The following SLC2A7 variants were observed in gnomAD, a reference collection of about 807,000 sequenced individuals.
The protein encoded by SLC2A7 is solute carrier family 2, facilitated glucose transporter member 7.
Under a neutral mutation model 50.5 loss-of-function variants are expected in SLC2A7, and 50 were observed. That is an observed-to-expected ratio of 0.99 (90% CI 0.79 to 1.25). The LOEUF (loss-of-function observed/expected upper bound fraction) is 1.25. Among genes scored for constraint, SLC2A7 ranks in the 50% most tolerant of loss-of-function variants. The pLI is 0.00. For missense variants in SLC2A7, 683 were observed against 679.1 expected, an observed-to-expected ratio of 1.01 and a Z score of -0.06; for synonymous variants, 308 against 300.4, an observed-to-expected ratio of 1.03 and a Z score of -0.26.
chr1:9,015,866 CG>C (rs1640822956), intron 5 of SLC2A7, among the ~76,000 whole-genome samples: 1 of 151,292 alleles, frequency 6.6e-6, no homozygotes, highest in Admixed American at 6.6e-5. Context: ...TGGAACTACA[CG>C]CGTGCATTAC....
At chr1:9,006,188 T>C (rs1234237786) in intron 10 of SLC2A7, among the ~76,000 whole-genome samples, 3 of 152,172 alleles carry the variant, frequency 2.0e-5, no homozygotes, top group Admixed American at 1.3e-4. Context: ...ACTGGCACTT[T>C]TCCTTTGAGG....
chr1:8,993,449 A>AAAAC, the SLC2A7 span, among the ~76,000 whole-genome samples: 4 of 152,168 alleles, frequency 2.6e-5, no homozygotes, highest in East Asian at 1.9e-4. Context: ...AAAGGGCATA[A>AAAAC]AAACAAACAA....
rs1435659515 is a variant in SLC2A7, at chr1:9,014,529, A to G, written c.903+152T>C. 7 of 861,684 alleles carry G rather than the reference A, an allele frequency of 8.1e-6. No individual in the cohort carries two copies. In the African/African-American group the frequency reaches 8.6e-5, roughly 11 times the overall value. 53.4% of individuals were successfully genotyped at this position (861,684 alleles called of 1,614,324 possible). A position where few individuals can be genotyped will look rare whatever the true frequency, so the allele number is the denominator to read the frequency against. On this transcript the variant is annotated intron_variant, in intron 7 of 11. Transcript: ENST00000400906. Reference sequence around the variant, plus strand: ...GGAGAGGCAGAGCACGGAGGCAGAGAGGAGTGAGGTTTCTTCCTGACATCT... The same window carrying G: ...GGAGAGGCAGAGCACGGAGGCAGAGGGGAGTGAGGTTTCTTCCTGACATCT...
chr1:9,006,307 G>A (rs1370442393), intron 10 of SLC2A7, among the ~76,000 whole-genome samples: 1 of 152,238 alleles, frequency 6.6e-6, no homozygotes, highest in Non-Finnish European at 1.5e-5. Context: ...CCAGCCTGGA[G>A]TGCAGTGGTG....
chr1:9,012,248 G>A (rs1640760450), intron 8 of SLC2A7, among the ~76,000 whole-genome samples: 1 of 152,202 alleles, frequency 6.6e-6, no homozygotes, highest in Non-Finnish European at 1.5e-5. Flanking sequence ...CCTGCTGTAT[G>A]CCTGGTTCCC....
At chr1:8,996,740 T>C in the SLC2A7 span, among the ~76,000 whole-genome samples, 12 of 152,186 alleles carry the variant, frequency 7.9e-5, no homozygotes, top group African/African-American at 2.4e-4. Flanking sequence ...TGGTGTCTCA[T>C]TGTGGTTTTA....
chr1:9,003,233 G>A lies in SLC2A7; in HGVS notation c.*67C>T. On this transcript the variant is annotated 3_prime_UTR_variant, in exon 12 of 12. Transcript: ENST00000400906. ...GTGCTATTATCCTCCCCAGAGCCTG[G>A]GGCCGGGAGGCCCATTGTCATAGAA... 1 of 1,486,286 alleles carries A rather than the reference G, an allele frequency of 6.7e-7. No individual in the cohort carries two copies. The allele number at this position is 1,486,286 out of a possible 1,614,324, so 92.1% of individuals were successfully genotyped here.
downstream of SLC2A7, among the ~76,000 whole-genome samples, chr1:9,000,227 G>A (rs6666894): frequency 0.23 from 34,782 of 152,044 alleles, 4,202 homozygotes; most frequent in Non-Finnish European, 0.27. Context: ...GGAGGCTGAG[G>A]TGGGAGGATT....
chr1:9,022,700 G>A (rs922774990), intron 3 of SLC2A7, among the ~76,000 whole-genome samples: 1 of 152,112 alleles, frequency 6.6e-6, no homozygotes, highest in Non-Finnish European at 1.5e-5. Flanking sequence ...GGCAGGTGAC[G>A]GAAGGGAATG....
At chr1:9,018,508 C>G (rs1640865874) in intron 4 of SLC2A7, 133 bp from the exon 5 acceptor site, 3 of 1,284,462 alleles carry the variant, frequency 2.3e-6, no homozygotes, top group Non-Finnish European at 3.2e-6. Context: ...GCTCGGCCAA[C>G]CTCGACTGTT....
At position 9,022,955 on chromosome 1, in the gene SLC2A7, A is replaced by T; in HGVS notation, c.274T>A (p.Ser92Thr). The change falls in exon 3 of 12, where the codon TCA (serine) becomes ACA (threonine). Residue 92 changes from serine (S) to threonine (T), a missense_variant. Coordinates refer to ENST00000400906, the MANE Select transcript of SLC2A7 (RefSeq NM_207420.3). ...SMFPLGGLLGSLLVGLLVDSC... is the reference protein window; with the variant it reads ...SMFPLGGLLGTLLVGLLVDSC... ...TCAACCAGCAGGCCCACGAGCAATG[A>T]CCCCAACAGGCCGCCCAGAGGAAAC... 1 of 1,614,042 alleles carries T rather than the reference A, an allele frequency of 6.2e-7. No homozygotes were observed. Among genetic ancestry groups the T allele is most frequent in the Non-Finnish European group, 8.5e-7 (1 of 1,179,966 alleles).
chr1:9,005,781 CAAAAAAA>C (rs75636224), intron 10 of SLC2A7, among the ~76,000 whole-genome samples: 1 of 42,634 alleles, frequency 2.3e-5, no homozygotes, highest in African/African-American at 6.9e-5. Context: ...GACTCCAACT[CAAAAAAA>C]AAAAAAAAAA....
At position 9,010,178 on chromosome 1, in the gene SLC2A7, C is replaced by T. The variant is rs1640725005; in HGVS notation, c.1081G>A (p.Ala361Thr). 3 of 1,552,388 alleles carry T rather than the reference C, an allele frequency of 1.9e-6. No individual in the cohort carries two copies. The highest frequency in any genetic ancestry group is 1.4e-5 in the African/African-American group (1 of 73,060). ...LLAGYGICGS[A>T]CLVLTVVLLF... ...AGCACCACCGTCAGCACCAGGCAGGCAGAGCCGCAGATGCCGTAGCCGGCC... is the reference window on the plus strand; with the variant it reads ...AGCACCACCGTCAGCACCAGGCAGGTAGAGCCGCAGATGCCGTAGCCGGCC... Residue 361 changes from alanine (A) to threonine (T), a missense_variant, in exon 9 of 12, where the codon GCC becomes ACC. By Grantham distance (58) the Ala-to-Thr change is moderately conservative (BLOSUM62 0). Coordinates refer to ENST00000400906, the MANE Select transcript of SLC2A7 (RefSeq NM_207420.3).
At chr1:9,012,304 G>T (rs975942787) in intron 8 of SLC2A7, among the ~76,000 whole-genome samples, 2 of 152,150 alleles carry the variant, frequency 1.3e-5, no homozygotes, top group African/African-American at 4.8e-5. Context: ...TTTCTGGCTT[G>T]GGTTGCTCCA....
chr1:9,002,077 TC>T, downstream of SLC2A7, among the ~76,000 whole-genome samples: 1 of 134,150 alleles, frequency 7.5e-6, no homozygotes, highest in Non-Finnish European at 1.6e-5. Flanking sequence ...TCATCGCCAT[TC>T]TCCATTGTCG....
downstream of SLC2A7, among the ~76,000 whole-genome samples, chr1:8,998,709 A>C (rs972329734): frequency 2.6e-5 from 4 of 151,966 alleles, no homozygotes; most frequent in Admixed American, 2.0e-4. Context: ...AGCCTGCTGG[A>C]ATTTTGATGG....
In SLC2A7 at chr1:9,026,219, G is replaced by A. The variant is rs914116003; in HGVS notation, c.51+76C>T. Reference sequence around the variant, plus strand: ...CCGCTCCTTGCTAAAAGCATTCCACGGCCTTCACCTCCCTCCACAGGTCTG... The same window carrying A: ...CCGCTCCTTGCTAAAAGCATTCCACAGCCTTCACCTCCCTCCACAGGTCTG... On this transcript the variant is annotated intron_variant, in intron 1 of 11. Transcript: ENST00000400906. The A allele has an allele frequency of 2.0e-5, 30 of 1,490,670 alleles. No individual in the cohort carries two copies. The Admixed American group carries it at 2.8e-4, about 14-fold the overall frequency. The allele number at this position is 1,490,670 out of a possible 1,614,324, so 92.3% of individuals were successfully genotyped here.
downstream of SLC2A7, among the ~76,000 whole-genome samples, chr1:8,999,045 T>C (rs529423724): frequency 2.0e-5 from 3 of 152,346 alleles, no homozygotes; most frequent in Non-Finnish European, 4.4e-5. Flanking sequence ...TTGGTAGAAT[T>C]TACCAGTGAA....
intron 2 of SLC2A7, among the ~76,000 whole-genome samples, chr1:9,023,981 G>A (rs887295836): frequency 4.0e-5 from 6 of 148,978 alleles, no homozygotes; most frequent in Non-Finnish European, 7.4e-5. Context: ...TCAGCCTCCC[G>A]AGTAGCTGGA....
Sources: gnomAD v4.1 joint callset for allele counts (sites outside exome capture counted in the v4.1 genomes callset) on GRCh38, gnomAD v4.1.1 for gene constraint, MANE v1.5 for transcripts, NCBI Gene and HGNC (gene_info 2026-07-23, HGNC 2026-07-21) for gene names.